Variants in GCC2 observed in about 807,000 individuals in gnomAD.
GCC2 encodes GRIP and coiled-coil domain-containing protein 2.
GCC2 carries 120 observed loss-of-function variants against 210.6 expected under a neutral mutation model. That is an observed-to-expected ratio of 0.57 (90% CI 0.49 to 0.66). The LOEUF (loss-of-function observed/expected upper bound fraction) is 0.66. Ranked by LOEUF, GCC2 falls within the 30% of genes least tolerant of loss-of-function variation. The pLI is 0.00. For synonymous variants in GCC2, 703 were observed against 652.7 expected (o/e 1.08, Z -1.17); for missense variants, 1,868 against 1,871.9 (o/e 1.00, Z 0.04).
At position 108,449,256 on chromosome 2, in the gene GCC2, C is replaced by CGGCGGCGGGCT. The variant is rs776397797; in HGVS notation, c.-13_-3dup. On this transcript the variant is annotated 5_prime_UTR_variant, in exon 1 of 23. Transcript: ENST00000309863. Reference sequence around the variant, plus strand: ...GCGGTGGCGGCGGCTGGTTGCGGGCCGGCGGCGGGCTGGCGGAGATGGAGG... The same window carrying CGGCGGCGGGCT: ...GCGGTGGCGGCGGCTGGTTGCGGGCCGGCGGCGGGCTGGCGGCGGGCTGGCGGAGATGGAGG... The CGGCGGCGGGCT allele has an allele frequency of 6.5e-6, 10 of 1,548,812 alleles. No individual in the cohort carries two copies. Among genetic ancestry groups the CGGCGGCGGGCT allele is most frequent in the Admixed American group, 3.9e-5 (2 of 50,870 alleles).
intron 4 of GCC2, among the ~76,000 whole-genome samples, chr2:108,454,092 G>A (rs1288972042): frequency 2.6e-5 from 4 of 152,082 alleles, no homozygotes; most frequent in African/African-American, 4.8e-5. Context: ...CTGGGTTGAC[G>A]CCATTCTCCT....
At chr2:108,467,481 A>AT (rs1001445630) in intron 4 of GCC2, among the ~76,000 whole-genome samples, 19 of 151,892 alleles carry the variant, frequency 1.3e-4, no homozygotes, top group African/African-American at 4.4e-4. Flanking sequence ...CTCATGTCTT[A>AT]TTTTTTTATT....
chr2:108,477,333 C>T (rs551129576), intron 9 of GCC2, among the ~76,000 whole-genome samples: 1 of 152,254 alleles, frequency 6.6e-6, no homozygotes, highest in South Asian at 2.1e-4. Flanking sequence ...AAGCACTTTA[C>T]ATATCTCAAT....
At chr2:108,457,865 G>A (rs1056308964) in intron 4 of GCC2, among the ~76,000 whole-genome samples, 1 of 152,152 alleles carries the variant, frequency 6.6e-6, no homozygotes, top group East Asian at 1.9e-4. Context: ...TTTGTCATCT[G>A]TAGAGAGGGA....
At chr2:108,461,406 C>T (rs936285468) in intron 4 of GCC2, among the ~76,000 whole-genome samples, 6 of 152,060 alleles carry the variant, frequency 3.9e-5, no homozygotes, top group African/African-American at 1.4e-4. Flanking sequence ...TTGGGGATAC[C>T]TGGGCCTCCT....
intron 18 of GCC2, chr2:108,490,272 T>C: frequency 3.2e-6 from 1 of 309,112 alleles, no homozygotes; most frequent in Non-Finnish European, 5.9e-6. Flanking sequence ...GGCTAGGATG[T>C]TTCTCTAAAA....
chr2:108,500,006 T>C (rs1383265025), intron 22 of GCC2, among the ~76,000 whole-genome samples: 2 of 152,236 alleles, frequency 1.3e-5, no homozygotes, highest in African/African-American at 2.4e-5. Context: ...TCTTTGAAAA[T>C]TGGATTTTTA....
Position 108,475,595 on chromosome 2 carries a change from C to A in GCC2, c.2921C>A (p.Ala974Asp). 1 of 1,536,472 alleles carries A rather than the reference C, an allele frequency of 6.5e-7. No homozygotes were observed. The highest frequency in any genetic ancestry group is 1.3e-5 in the South Asian group (1 of 79,108). The change falls in exon 8 of 23, where the codon GCC becomes GAC. Residue 974 changes from alanine to aspartate, a missense_variant. Physicochemically the swap from Ala to Asp is moderately radical, Grantham distance 126. Coordinates refer to ENST00000309863, the MANE Select transcript of GCC2 (RefSeq NM_181453.4). ...EEKINKIKLV[A>D]VKAKKELDSS... ...AAAATAAATAAGATAAAATTAGTTGCCGTAAAGGCAAAGAAAGAACTAGAT... is the reference window on the plus strand; with the variant it reads ...AAAATAAATAAGATAAAATTAGTTGACGTAAAGGCAAAGAAAGAACTAGAT...
At chr2:108,504,285 G>GT (rs1683078010) in intron 22 of GCC2, among the ~76,000 whole-genome samples, 1 of 152,068 alleles carries the variant, frequency 6.6e-6, no homozygotes, top group Admixed American at 6.6e-5. Flanking sequence ...GATGTTGGCT[G>GT]TAAGTTAATG....
chr2:108,487,899 GAT>G (rs1682226210), intron 17 of GCC2, 79 bp downstream of exon 17: 5 of 707,206 alleles, frequency 7.1e-6, no homozygotes, highest in African/African-American at 2.1e-5. Context: ...ATCCTATTAT[GAT>G]TTTTTTTTTT....
Position 108,470,993 on chromosome 2 carries a change from C to G in GCC2, c.1664C>G (p.Pro555Arg), listed in dbSNP as rs1175972132. Residue 555 changes from proline (P) to arginine (R), a missense_variant, in exon 6 of 23, where the codon CCA (proline) becomes CGA (arginine). Physicochemically the swap from Pro to Arg is moderately radical, Grantham distance 103 (BLOSUM62 -2). Around this residue, in one of 3 missense-constraint regions of GCC2, gnomAD observed 1,847 missense variants for 1,765.2 expected, o/e 1.05. Transcript: ENST00000309863. ...TTACTATCTCAACAAGAATTGGTACCAGAACTTGAAAATACCATAAAGAAC... is the reference window on the plus strand; with the variant it reads ...TTACTATCTCAACAAGAATTGGTACGAGAACTTGAAAATACCATAAAGAAC... ...EKLLSQQELVPELENTIKNLQ... is the reference protein window; with the variant it reads ...EKLLSQQELVRELENTIKNLQ... 1 of 1,613,040 alleles carries G rather than the reference C, an allele frequency of 6.2e-7. No homozygotes were observed. The highest frequency in any genetic ancestry group is 8.5e-7 in the Non-Finnish European group (1 of 1,179,480).
chr2:108,503,936 C>G (rs1208246565), intron 22 of GCC2, among the ~76,000 whole-genome samples: 1 of 152,068 alleles, frequency 6.6e-6, no homozygotes, highest in East Asian at 1.9e-4. Context: ...TGGCGAGACC[C>G]TATGTCTGCA....
chr2:108,508,550 C>A lies in GCC2; in HGVS notation c.*920C>A, dbSNP rs1396276742. 6.9e-6 allele frequency: 1 copy of A among 144,946 alleles called. No homozygotes were observed. Among genetic ancestry groups the A allele is most frequent in the Non-Finnish European group, 1.5e-5 (1 of 66,538 alleles). The allele number at this position is 144,946 out of a possible 1,614,324, so 9.0% of individuals were successfully genotyped here. On this transcript the variant is annotated 3_prime_UTR_variant, in exon 23 of 23. Coordinates refer to ENST00000309863, the MANE Select transcript of GCC2 (RefSeq NM_181453.4). ...CAAGCCATGAATCTGTTTTGAGAAT[C>A]CTCTCCATTTTCCCAAATAAAAACC...
chr2:108,458,542 C>T (rs914324356), intron 4 of GCC2, among the ~76,000 whole-genome samples: 3 of 151,806 alleles, frequency 2.0e-5, no homozygotes, highest in Non-Finnish European at 4.4e-5. Context: ...AGTGTGCATC[C>T]ATCTGGTTCT....
chr2:108,506,555 T>C (rs1190305610), intron 22 of GCC2, among the ~76,000 whole-genome samples: 33 of 152,228 alleles, frequency 2.2e-4, no homozygotes, highest in Admixed American at 2.0e-3. Context: ...CTCAGTGCTA[T>C]ATGCTGAAAA....
At chr2:108,477,342 A>G (rs1681595231) in intron 9 of GCC2, among the ~76,000 whole-genome samples, 1 of 152,186 alleles carries the variant, frequency 6.6e-6, no homozygotes, top group Non-Finnish European at 1.5e-5. Flanking sequence ...ACATATCTCA[A>G]TATGTTAATT....
chr2:108,469,610 TCTTA>T (rs751925348), intron 5 of GCC2, 37 bp from the exon 6 acceptor site: 23 of 1,433,532 alleles, frequency 1.6e-5, no homozygotes, highest in Admixed American at 6.9e-5. Flanking sequence ...GCTCCTTTTG[TCTTA>T]CTTAAATAAT....
intron 22 of GCC2, among the ~76,000 whole-genome samples, chr2:108,500,671 ATGTT>A (rs766982891): frequency 1.3e-5 from 2 of 152,188 alleles, no homozygotes; most frequent in Non-Finnish European, 1.5e-5. Context: ...TTATGGTTTC[ATGTT>A]TGTTTTAGTT....
At chr2:108,469,544 C>A in intron 5 of GCC2, 107 bp from the exon 6 acceptor site, 1 of 708,554 alleles carries the variant, frequency 1.4e-6, no homozygotes, top group Non-Finnish European at 2.4e-6. Context: ...TACATTTCTG[C>A]TCATTTACTT....
Sources: gnomAD v4.1 joint callset for allele counts (sites outside exome capture counted in the v4.1 genomes callset) on GRCh38, gnomAD v4.1.1 for gene constraint, gnomAD v4.1.1 regional missense constraint, MANE v1.5 for transcripts, NCBI Gene and HGNC (gene_info 2026-07-23, HGNC 2026-07-21) for gene names.